Variants in SPAG16 observed in about 807,000 individuals in gnomAD.
The protein encoded by SPAG16 is sperm-associated antigen 16 protein.
Under a neutral mutation model 80.4 loss-of-function variants are expected in SPAG16, and 86 were observed. The ratio of observed to expected loss-of-function variants is 1.07; its 90% CI spans 0.90 to 1.28. The LOEUF (loss-of-function observed/expected upper bound fraction) is 1.28. SPAG16 is among the 50% of genes most tolerant of loss of function. The pLI is 0.00. For missense variants in SPAG16, 870 were observed against 765.3 expected (o/e 1.14, Z -1.61); for synonymous variants, 294 against 265.9 (o/e 1.11, Z -1.03).
intron 12 of SPAG16, among the ~76,000 whole-genome samples, chr2:213,956,713 A>G (rs1185797419): frequency 6.6e-6 from 1 of 151,834 alleles, no homozygotes; most frequent in East Asian, 1.9e-4. Context: ...GGCCTCCCAA[A>G]TTGCTGGGAT....
intron 15 of SPAG16, among the ~76,000 whole-genome samples, chr2:214,165,611 T>G (rs777950715): frequency 3.3e-5 from 5 of 150,856 alleles, no homozygotes; most frequent in Non-Finnish European, 7.4e-5. Flanking sequence ...ATTCTATAAT[T>G]TTTCTCTGTC....
chr2:213,702,333 T>G (rs142044695), intron 10 of SPAG16, among the ~76,000 whole-genome samples: 3 of 152,362 alleles, frequency 2.0e-5, no homozygotes, highest in East Asian at 3.9e-4. Flanking sequence ...TCTCTTTTCA[T>G]GCTGTGGAAG....
At chr2:213,667,251 A>G (rs778369797) in intron 10 of SPAG16, among the ~76,000 whole-genome samples, 4 of 152,226 alleles carry the variant, frequency 2.6e-5, no homozygotes, top group Non-Finnish European at 5.9e-5. Flanking sequence ...AAAATAATTA[A>G]TGCAATGTAA....
intron 10 of SPAG16, among the ~76,000 whole-genome samples, chr2:213,635,099 G>T (rs1342888300): frequency 1.3e-5 from 2 of 151,086 alleles, no homozygotes. Flanking sequence ...GCAGTGATGG[G>T]ATCTCGACTC....
At chr2:213,688,101 T>C (rs941578981) in intron 10 of SPAG16, among the ~76,000 whole-genome samples, 5 of 152,146 alleles carry the variant, frequency 3.3e-5, no homozygotes, top group African/African-American at 1.2e-4. Context: ...CAGTTTGAAC[T>C]TGGGGGGAGG....
chr2:213,825,409 GTTTT>G (rs1240331755), intron 10 of SPAG16, among the ~76,000 whole-genome samples: 1 of 151,882 alleles, frequency 6.6e-6, no homozygotes, highest in Admixed American at 6.6e-5. Context: ...TCTATTCCCA[GTTTT>G]TTTAAGATTT....
At chr2:213,679,886 AG>A (rs1365290505) in intron 10 of SPAG16, among the ~76,000 whole-genome samples, 5 of 152,156 alleles carry the variant, frequency 3.3e-5, no homozygotes, top group African/African-American at 1.2e-4. Context: ...ACATATGCAA[AG>A]GGATTTAATA....
chr2:213,390,836 A>G (rs1355416804), intron 9 of SPAG16, among the ~76,000 whole-genome samples: 2 of 127,452 alleles, frequency 1.6e-5, no homozygotes, highest in African/African-American at 5.6e-5. Flanking sequence ...CATGTTATAT[A>G]CAAATGGCTT....
intron 15 of SPAG16, among the ~76,000 whole-genome samples, chr2:214,157,979 G>A (rs532205253): frequency 1.1e-4 from 16 of 151,942 alleles, no homozygotes; most frequent in African/African-American, 2.4e-4. Context: ...CAGAAACATC[G>A]AGAAATTATT....
chr2:214,101,777 A>G (rs898791267), intron 13 of SPAG16, among the ~76,000 whole-genome samples: 7 of 152,184 alleles, frequency 4.6e-5, no homozygotes, highest in African/African-American at 1.7e-4. Flanking sequence ...GTGAATTACA[A>G]TAGTACCTAT....
chr2:214,283,655 A>G (rs1221619872), intron 15 of SPAG16, among the ~76,000 whole-genome samples: 2 of 152,206 alleles, frequency 1.3e-5, no homozygotes, highest in Non-Finnish European at 2.9e-5. Context: ...GCCAAAATTT[A>G]GAAGAAAGAT....
chr2:213,767,178 G>A (rs1236596607), intron 10 of SPAG16, among the ~76,000 whole-genome samples: 2 of 152,100 alleles, frequency 1.3e-5, no homozygotes, highest in African/African-American at 4.8e-5. Context: ...ACATTGTTGG[G>A]CTTGTCTTTA....
intron 12 of SPAG16, among the ~76,000 whole-genome samples, chr2:213,974,589 T>A: frequency 6.6e-6 from 1 of 152,086 alleles, no homozygotes. Flanking sequence ...CAAATAATCA[T>A]GCTACAAGCC....
At chr2:214,221,519 C>T (rs2125776276) in intron 15 of SPAG16, among the ~76,000 whole-genome samples, 1 of 152,212 alleles carries the variant, frequency 6.6e-6, no homozygotes, top group South Asian at 2.1e-4. Context: ...TAAGATGTCC[C>T]ACTGAATGTC....
chr2:213,679,026 C>A (rs1419454807), intron 10 of SPAG16, among the ~76,000 whole-genome samples: 1 of 152,106 alleles, frequency 6.6e-6, no homozygotes, highest in Non-Finnish European at 1.5e-5. Context: ...CTGGTTCCCA[C>A]CTCTCAGGCA....
At chr2:213,637,368 CTA>C (rs2062405016) in intron 10 of SPAG16, among the ~76,000 whole-genome samples, 1 of 152,130 alleles carries the variant, frequency 6.6e-6, no homozygotes, top group Admixed American at 6.5e-5. Context: ...ATTTTTGCAT[CTA>C]TGTTTATCAG....
chr2:213,994,625 A>G (rs2046432313), intron 12 of SPAG16, among the ~76,000 whole-genome samples: 1 of 150,882 alleles, frequency 6.6e-6, no homozygotes, highest in South Asian at 2.1e-4. Flanking sequence ...TTACTATTAA[A>G]CCTTCTGTTT....
chr2:213,497,666 T>C (rs1410966967), intron 10 of SPAG16, among the ~76,000 whole-genome samples: 1 of 152,124 alleles, frequency 6.6e-6, no homozygotes, highest in Non-Finnish European at 1.5e-5. Context: ...TTGTTGGCCA[T>C]ACTATAATTA....
At chr2:213,802,410 T>TATCC (rs2071472179) in intron 10 of SPAG16, among the ~76,000 whole-genome samples, 1 of 96,608 alleles carries the variant, frequency 1.0e-5, no homozygotes, top group African/African-American at 3.1e-5. Flanking sequence ...TCTATCTATC[T>TATCC]ATCTATCTAT....
Sources: allele counts gnomAD v4.1 joint callset (sites outside exome capture counted in the v4.1 genomes callset), GRCh38; gene constraint gnomAD v4.1.1; transcripts MANE v1.5; gene names NCBI Gene and HGNC (gene_info 2026-07-23, HGNC 2026-07-21).